Variants in STK39 observed in about 807,000 individuals in gnomAD.
STK39 encodes the protein STE20/SPS1-related proline-alanine-rich protein kinase.
A neutral mutation model predicts 77.8 loss-of-function variants in STK39; 20 were observed. The observed-to-expected ratio is 0.26, with a 90% CI of 0.18 to 0.37. STK39 has a LOEUF of 0.37. STK39 is among the 10% of genes least tolerant of loss of function. The pLI, the probability that STK39 is intolerant of heterozygous loss-of-function variation, is 1.00. For synonymous variants in STK39, 246 were observed against 234.1 expected, an observed-to-expected ratio of 1.05 and a Z score of -0.47; for missense variants, 479 against 656.5, an observed-to-expected ratio of 0.73 and a Z score of 2.95.
At chr2:168,038,891 G>A (rs1202476445) in intron 14 of STK39, among the ~76,000 whole-genome samples, 1 of 152,070 alleles carries the variant, frequency 6.6e-6, no homozygotes, top group South Asian at 2.1e-4. Context: ...AAAGATTGAC[G>A]ATACCAAGTA....
intron 10 of STK39, among the ~76,000 whole-genome samples, chr2:168,115,767 T>C (rs1351715030): frequency 6.6e-6 from 1 of 152,184 alleles, no homozygotes. Context: ...AACTGAGGTC[T>C]GCTCAGGATG....
intron 5 of STK39, among the ~76,000 whole-genome samples, chr2:168,152,669 C>G (rs1305212257): frequency 6.6e-6 from 1 of 152,158 alleles, no homozygotes. Flanking sequence ...GATGCTTCAT[C>G]TGAAGGAACT....
At chr2:168,013,821 T>C (rs999143590) in intron 15 of STK39, among the ~76,000 whole-genome samples, 28 of 116,570 alleles carry the variant, frequency 2.4e-4, no homozygotes, top group African/African-American at 7.4e-4. Flanking sequence ...TGTGTGTGTG[T>C]GTGTGTGTGT....
intron 10 of STK39, among the ~76,000 whole-genome samples, chr2:168,119,323 AAGG>A (rs2105485648): frequency 6.6e-6 from 1 of 152,258 alleles, no homozygotes; most frequent in South Asian, 2.1e-4. Context: ...ACCAAGCTCT[AAGG>A]AGAACTGCAG....
intron 1 of STK39, among the ~76,000 whole-genome samples, chr2:168,216,112 AG>A (rs1212562560): frequency 6.7e-6 from 1 of 148,930 alleles, no homozygotes; most frequent in African/African-American, 2.4e-5. Context: ...GAAGAGAGAC[AG>A]GAAACAGAGT....
At chr2:168,006,194 T>C (rs1338425050) in intron 16 of STK39, among the ~76,000 whole-genome samples, 2 of 152,150 alleles carry the variant, frequency 1.3e-5, no homozygotes, top group Non-Finnish European at 2.9e-5. Context: ...TCTCTTCCGG[T>C]GTATACACAC....
intron 16 of STK39, among the ~76,000 whole-genome samples, chr2:167,983,500 G>C (rs1354093038): frequency 7.1e-6 from 1 of 141,518 alleles, no homozygotes; most frequent in African/African-American, 2.8e-5. Flanking sequence ...AAGGAAGGAA[G>C]GAAGGAAGGA....
chr2:168,084,174 G>A (rs1686309120), intron 10 of STK39, among the ~76,000 whole-genome samples: 2 of 152,300 alleles, frequency 1.3e-5, no homozygotes, highest in East Asian at 3.9e-4. Context: ...AAGCTTTCAG[G>A]TGGGCATGGT....
Position 167,974,750 on chromosome 2 carries a change from T to G in STK39, c.1499-10024A>C, listed in dbSNP as rs562407934. The stretch of plus-strand genomic sequence containing the variant: ...CACAAGCATGCAAAATGCTAGAGTA[T>G]AGTGTCTTTTAGGAGGTTCACAAAA... On this transcript the variant is annotated intron_variant, in intron 16 of 17. Transcript: ENST00000355999. Among the ~76,000 whole-genome samples, 4 of 152,326 alleles carry G rather than the reference T, an allele frequency of 2.6e-5. No individual in the cohort carries two copies. In the East Asian group the frequency reaches 7.7e-4, roughly 29 times the overall value.
At chr2:168,236,732 C>A (rs1690620940) in intron 1 of STK39, among the ~76,000 whole-genome samples, 1 of 152,170 alleles carries the variant, frequency 6.6e-6, no homozygotes, top group Admixed American at 6.5e-5. Context: ...TTGTTTTTGT[C>A]AGGTTTGTCA....
chr2:167,984,831 A>G (rs546496843), intron 16 of STK39, among the ~76,000 whole-genome samples: 1 of 152,336 alleles, frequency 6.6e-6, no homozygotes, highest in South Asian at 2.1e-4. Context: ...AGAATGTCAA[A>G]TAACATTATA....
intron 10 of STK39, among the ~76,000 whole-genome samples, chr2:168,077,325 A>T (rs955313964): frequency 1.4e-4 from 21 of 152,170 alleles, no homozygotes; most frequent in African/African-American, 5.1e-4. Flanking sequence ...CTATGTTTAC[A>T]AGCTCTGTCA....
chr2:168,107,098 T>C (rs946670524), intron 10 of STK39, among the ~76,000 whole-genome samples: 2 of 152,220 alleles, frequency 1.3e-5, no homozygotes, highest in South Asian at 2.1e-4. Flanking sequence ...TTAGCATTAA[T>C]GGCACTGCTT....
intron 16 of STK39, among the ~76,000 whole-genome samples, chr2:167,984,241 T>A (rs1190853894): frequency 1.3e-5 from 2 of 152,212 alleles, no homozygotes; most frequent in Non-Finnish European, 2.9e-5. Context: ...TACAGGCAGA[T>A]TCATACACAA....
intron 16 of STK39, among the ~76,000 whole-genome samples, chr2:167,972,788 C>T (rs190499228): frequency 1.1e-4 from 16 of 152,080 alleles, no homozygotes; most frequent in African/African-American, 3.6e-4. Flanking sequence ...CCAGAGACCC[C>T]ATTTGGAAAA....
At chr2:168,010,701 G>A (rs905281775) in intron 16 of STK39, among the ~76,000 whole-genome samples, 13 of 151,982 alleles carry the variant, frequency 8.6e-5, no homozygotes, top group Non-Finnish European at 1.6e-4. Context: ...TAATCAGTAG[G>A]AAAAAATCTG....
chr2:168,140,361 CAT>C lies in STK39; in HGVS notation c.766_767del (p.Met256ValfsTer9). The C allele has an allele frequency of 6.2e-7, 1 of 1,614,048 alleles. No homozygotes were observed. Among genetic ancestry groups the C allele is most frequent in the Non-Finnish European group, 8.5e-7 (1 of 1,179,958 alleles). ...CAATGGCAGTTATTCCAAAACTCCACATGTCAGCCTTGAAGTCATAGCCTCTC... is the reference window on the plus strand; with the variant it reads ...CAATGGCAGTTATTCCAAAACTCCACGTCAGCCTTGAAGTCATAGCCTCTC... ...QVRGYDFKAD[M>X]WSFGITAIEL... On this transcript the variant is annotated frameshift_variant, in exon 7 of 18. Transcript: ENST00000355999. LOFTEE classifies it high-confidence loss of function.
chr2:168,142,356 G>A (rs1574498237), intron 5 of STK39, among the ~76,000 whole-genome samples: 2 of 151,956 alleles, frequency 1.3e-5, no homozygotes, highest in African/African-American at 4.8e-5. Context: ...GAAGTTCAAC[G>A]ATGAATCCAA....
chr2:168,206,743 C>A (rs937843921), intron 1 of STK39, among the ~76,000 whole-genome samples: 1 of 152,144 alleles, frequency 6.6e-6, no homozygotes, highest in South Asian at 2.1e-4. Context: ...CCCAATATTC[C>A]ACTCACTTCT....
Sources: gnomAD v4.1 joint callset for allele counts (sites outside exome capture counted in the v4.1 genomes callset) on GRCh38, gnomAD v4.1.1 for gene constraint, MANE v1.5 for transcripts, NCBI Gene and HGNC (gene_info 2026-07-23, HGNC 2026-07-21) for gene names.